Variants in TRPM6 observed in about 807,000 individuals in gnomAD.
TRPM6 encodes channel kinase 2.
TRPM6 carries 111 observed loss-of-function variants against 247.6 expected under a neutral mutation model. That is an observed-to-expected ratio of 0.45 (90% CI 0.38 to 0.52). The LOEUF is 0.52. Ranked by LOEUF, TRPM6 falls within the 20% of genes least tolerant of loss-of-function variation. The pLI is 0.00. For missense variants in TRPM6, 2,126 were observed against 2,421.5 expected, an observed-to-expected ratio of 0.88 and a Z score of 2.56; for synonymous variants, 892 against 853.8, an observed-to-expected ratio of 1.04 and a Z score of -0.78.
At chr9:74,856,806 C>CA (rs1288983884) in intron 2 of TRPM6, among the ~76,000 whole-genome samples, 4 of 151,716 alleles carry the variant, frequency 2.6e-5, no homozygotes, top group Admixed American at 6.6e-5. Context: ...AAGAAAACTG[C>CA]AAAAAAGCCT....
In TRPM6 at chr9:74,808,021, T is replaced by A; in HGVS notation, c.1638+13A>T. 6.2e-7 allele frequency: 1 copy of A among 1,613,788 alleles called. No homozygotes were observed. The highest frequency in any genetic ancestry group is 8.5e-7 in the Non-Finnish European group (1 of 1,179,794). ...ATTCTCAATTTTACTTGGGCACTTT[T>A]CAATTACTCTACCTTGTATTTTCTG... On this transcript the variant is annotated intron_variant, in intron 14 of 38. Transcript: ENST00000360774.
At chr9:74,834,268 T>C (rs1829643129) in intron 5 of TRPM6, 146 bp from the exon 6 acceptor site, 1 of 881,676 alleles carries the variant, frequency 1.1e-6, no homozygotes. Context: ...TAGTTTCTGA[T>C]ACCTTGGCTT....
At chr9:74,766,527 A>C (rs1239717100) in intron 25 of TRPM6, among the ~76,000 whole-genome samples, 2 of 152,236 alleles carry the variant, frequency 1.3e-5, no homozygotes, top group African/African-American at 4.8e-5. Context: ...CTATGTGCCA[A>C]GCATTTTATA....
At chr9:74,786,530 G>A (rs1210866059) in intron 20 of TRPM6, among the ~76,000 whole-genome samples, 1 of 151,586 alleles carries the variant, frequency 6.6e-6, no homozygotes, top group Non-Finnish European at 1.5e-5. Flanking sequence ...ACGGAGGTCA[G>A]GAGATCGAGA....
At chr9:74,845,285 C>A (rs1278277717) in intron 3 of TRPM6, among the ~76,000 whole-genome samples, 1 of 152,114 alleles carries the variant, frequency 6.6e-6, no homozygotes, top group Non-Finnish European at 1.5e-5. Context: ...CAGTAAAGCA[C>A]AATAAAGTAA....
At chr9:74,768,032 T>A (rs1587484686) in intron 25 of TRPM6, among the ~76,000 whole-genome samples, 1 of 152,202 alleles carries the variant, frequency 6.6e-6, no homozygotes, top group East Asian at 1.9e-4. Flanking sequence ...CCATTTAATT[T>A]CTAACCCTCT....
chr9:74,727,469 T>C (rs1004363398), intron 38 of TRPM6, among the ~76,000 whole-genome samples: 1 of 152,062 alleles, frequency 6.6e-6, no homozygotes, highest in African/African-American at 2.4e-5. Flanking sequence ...GATGGTGCTC[T>C]TTTACTGACT....
chr9:74,822,730 AAAGT>A (rs1459308545), intron 7 of TRPM6, among the ~76,000 whole-genome samples: 1 of 151,932 alleles, frequency 6.6e-6, no homozygotes, highest in African/African-American at 2.4e-5. Flanking sequence ...TTACTTTCTT[AAAGT>A]AAGGGAGAAA....
chr9:74,818,396 G>A (rs576890094), intron 9 of TRPM6, among the ~76,000 whole-genome samples: 1 of 140,142 alleles, frequency 7.1e-6, no homozygotes, highest in Admixed American at 7.7e-5. Flanking sequence ...TCTGCCTCCC[G>A]GGTTCAAGCG....
At chr9:74,772,358 G>A (rs779711944) in intron 24 of TRPM6, among the ~76,000 whole-genome samples, 4 of 152,188 alleles carry the variant, frequency 2.6e-5, no homozygotes, top group African/African-American at 7.2e-5. Context: ...CTCATATATA[G>A]AATTCTTTCT....
intron 25 of TRPM6, among the ~76,000 whole-genome samples, chr9:74,764,777 A>G (rs533954886): frequency 2.6e-5 from 4 of 152,308 alleles, no homozygotes; most frequent in African/African-American, 9.6e-5. Flanking sequence ...AAATTGGAAA[A>G]CTGTGTTCTA....
intron 1 of TRPM6, among the ~76,000 whole-genome samples, chr9:74,866,643 G>A (rs1208222072): frequency 2.0e-5 from 3 of 152,004 alleles, no homozygotes; most frequent in Non-Finnish European, 4.4e-5. Flanking sequence ...CACCACACCC[G>A]GCTAATTTTG....
chr9:74,747,603 A>C (rs1459205810), intron 31 of TRPM6, among the ~76,000 whole-genome samples: 1 of 152,240 alleles, frequency 6.6e-6, no homozygotes, highest in Non-Finnish European at 1.5e-5. Context: ...GGACAGTAAG[A>C]GTTGGTGAGC....
chr9:74,880,176 G>A (rs1403582966), intron 1 of TRPM6, among the ~76,000 whole-genome samples: 1 of 152,024 alleles, frequency 6.6e-6, no homozygotes, highest in Non-Finnish European at 1.5e-5. Flanking sequence ...ATAATCTAAA[G>A]AATAAAGTCT....
chr9:74,834,183 T>A, intron 5 of TRPM6, 61 bp from the exon 6 acceptor site: 1 of 1,603,988 alleles, frequency 6.2e-7, no homozygotes, highest in Non-Finnish European at 8.5e-7. Context: ...ACAAAGAGAC[T>A]GCCAGAAACA....
At chr9:74,752,495 T>C (rs1320289141) in intron 28 of TRPM6, 127 bp from the exon 29 acceptor site, 1 of 636,530 alleles carries the variant, frequency 1.6e-6, no homozygotes, top group Non-Finnish European at 2.7e-6. Flanking sequence ...TCCCTTTCTG[T>C]TTTTAGCAAG....
intron 24 of TRPM6, among the ~76,000 whole-genome samples, chr9:74,772,644 A>G (rs1827087469): frequency 6.6e-6 from 1 of 152,014 alleles, no homozygotes; most frequent in African/African-American, 2.4e-5. Context: ...CTGTCCTTTA[A>G]GATAGAAACA....
intron 2 of TRPM6, 100 bp from the exon 3 acceptor site, chr9:74,855,665 A>C (rs1384192455): frequency 2.3e-6 from 2 of 859,216 alleles, no homozygotes; most frequent in Non-Finnish European, 3.9e-6. Flanking sequence ...TGATCTAGAA[A>C]TCAAGGTTTG....
At chr9:74,740,637 A>G (rs1825832308) in intron 33 of TRPM6, among the ~76,000 whole-genome samples, 1 of 152,196 alleles carries the variant, frequency 6.6e-6, no homozygotes, top group Non-Finnish European at 1.5e-5. Flanking sequence ...AATCTTGTGC[A>G]CAAAACAAAG....
Sources: gnomAD v4.1 joint callset for allele counts (sites outside exome capture counted in the v4.1 genomes callset) on GRCh38, gnomAD v4.1.1 for gene constraint, MANE v1.5 for transcripts, NCBI Gene and HGNC (gene_info 2026-07-23, HGNC 2026-07-21) for gene names.